AOX1: variants seen among roughly 807,000 people sequenced by gnomAD.
AOX1 encodes aldehyde oxidase.
In AOX1, 153 loss-of-function variants were observed where a neutral mutation model predicts 169.5. That is an observed-to-expected ratio of 0.90 (90% CI 0.79 to 1.03). The LOEUF (loss-of-function observed/expected upper bound fraction) is 1.03. Among genes scored for constraint, AOX1 ranks in the 50% least tolerant of loss-of-function variants. The pLI is 0.00. For missense variants in AOX1, 1,656 were observed against 1,663.9 expected (o/e 1.00, Z 0.08); for synonymous variants, 562 against 581.9 (o/e 0.97, Z 0.49).
chr2:200,663,340 G>A (rs1276790874), intron 31 of AOX1, among the ~76,000 whole-genome samples: 1 of 152,148 alleles, frequency 6.6e-6, no homozygotes, highest in Non-Finnish European at 1.5e-5. Context: ...ATAGACATCT[G>A]TAATCTGCTA....
intron 27 of AOX1, 70 bp downstream of exon 27, chr2:200,657,007 A>C (rs2035701668): frequency 6.5e-6 from 7 of 1,081,080 alleles, no homozygotes; most frequent in Non-Finnish European, 9.0e-6. Flanking sequence ...AAAAACTATG[A>C]ATGGATATTT....
intron 12 of AOX1, among the ~76,000 whole-genome samples, 166 bp from the exon 13 acceptor site, chr2:200,611,218 A>C (rs2034631963): frequency 6.6e-6 from 1 of 152,224 alleles, no homozygotes; most frequent in African/African-American, 2.4e-5. Context: ...TAGAAGAAAC[A>C]TTGCAAGACG....
chr2:200,680,794 C>T (rs2036145999), downstream of AOX1, among the ~76,000 whole-genome samples: 1 of 150,898 alleles, frequency 6.6e-6, no homozygotes, highest in Non-Finnish European at 1.5e-5. Context: ...GATCCAACTG[C>T]CTCAGCCTCC....
Position 200,595,358 on chromosome 2 carries a change from A to C in AOX1, c.190A>C (p.Lys64Gln). Residue 64 changes from lysine (K) to glutamine (Q), a missense_variant, in exon 3 of 35, where the codon AAG (lysine) becomes CAG (glutamine). Transcript: ENST00000374700. ...GATATCACGATACAACCCCATCACCAAGAGGATAAGGTACCGTGCAGCAAA... is the reference window on the plus strand; with the variant it reads ...GATATCACGATACAACCCCATCACCCAGAGGATAAGGTACCGTGCAGCAAA... The part of the protein sequence containing the change: ...VMISRYNPIT[K>Q]RIRHHPANAC... 1 of 1,612,290 alleles carries C rather than the reference A, an allele frequency of 6.2e-7. No homozygotes were observed. The highest frequency in any genetic ancestry group is 8.5e-7 in the Non-Finnish European group (1 of 1,178,802).
chr2:200,615,727 G>A (rs2034741473), intron 15 of AOX1, among the ~76,000 whole-genome samples: 1 of 152,220 alleles, frequency 6.6e-6, no homozygotes, highest in East Asian at 1.9e-4. Flanking sequence ...GCTGGTGGAA[G>A]CCAGTTACCT....
chr2:200,613,603 T>G (rs1271218381), intron 14 of AOX1, among the ~76,000 whole-genome samples: 1 of 152,128 alleles, frequency 6.6e-6, no homozygotes, highest in Non-Finnish European at 1.5e-5. Context: ...GTTCTAATAT[T>G]CCCCTTTTAC....
chr2:200,633,733 G>A (rs1473408760), intron 20 of AOX1, among the ~76,000 whole-genome samples: 1 of 151,982 alleles, frequency 6.6e-6, no homozygotes, highest in Admixed American at 6.6e-5. Context: ...TTGAAGTTGG[G>A]ATTTTCTTGG....
At chr2:200,657,372 A>G (rs915756116) in intron 27 of AOX1, among the ~76,000 whole-genome samples, 7 of 151,420 alleles carry the variant, frequency 4.6e-5, no homozygotes, top group Non-Finnish European at 1.0e-4. Flanking sequence ...AAAAATAAAT[A>G]AAAAACAAAG....
intron 25 of AOX1, among the ~76,000 whole-genome samples, chr2:200,645,394 C>G (rs2035431573): frequency 6.6e-6 from 1 of 152,080 alleles, no homozygotes; most frequent in Non-Finnish European, 1.5e-5. Context: ...TGTGTTAAAC[C>G]ATCCCTGTAT....
At chr2:200,679,650 A>G (rs547441991), downstream of AOX1, among the ~76,000 whole-genome samples, 28 of 150,650 alleles carry the variant, frequency 1.9e-4, no homozygotes, top group African/African-American at 6.6e-4. Flanking sequence ...GCGATGAGGT[A>G]GTGACGCCCC....
At chr2:200,643,982 G>A (rs2035404949) in intron 25 of AOX1, among the ~76,000 whole-genome samples, 1 of 148,370 alleles carries the variant, frequency 6.7e-6, no homozygotes, top group Admixed American at 6.7e-5. Flanking sequence ...TGTATAGATT[G>A]TGAGGATTTT....
Position 200,676,614 on chromosome 2 carries a change from A to AAAG in AOX1, c.487-241_487-239dup, listed in dbSNP as rs1231282657. ...GACTACATCTCAAAAAAAAAAAAAA[A>AAAG]AAGAAGAAGAAGAAGAAGAAGAAGA... On this transcript the variant is annotated intron_variant, in intron 4 of 4. Coordinates refer to the AOX1 transcript ENST00000439380. 4.1e-3 allele frequency among the ~76,000 whole-genome samples: 608 copies of AAAG among 148,514 alleles called. 9 individuals are homozygous for AAAG. Among genetic ancestry groups the AAAG allele is most frequent in the African/African-American group, 0.011 (437 of 39,746 alleles).
downstream of AOX1, among the ~76,000 whole-genome samples, chr2:200,673,791 C>G (rs1029767396): frequency 6.6e-6 from 1 of 152,212 alleles, no homozygotes; most frequent in Non-Finnish European, 1.5e-5. Flanking sequence ...CCCAGCCTGT[C>G]TCTCCAGCGT....
chr2:200,606,890 G>A (rs550977987), intron 10 of AOX1, among the ~76,000 whole-genome samples: 188 of 152,254 alleles, frequency 1.2e-3, no homozygotes, highest in African/African-American at 4.3e-3. Flanking sequence ...GGGCTGAGAC[G>A]ATGGGGTTTT....
At position 200,586,486 on chromosome 2, in the gene AOX1, G is replaced by A. The variant is rs573314175; in HGVS notation, c.45+333G>A. On this transcript the variant is annotated intron_variant, in intron 1 of 34. Transcript: ENST00000374700. ...AAGTATTCTTGCCCATCAGGGGTCA[G>A]CACTCCCAGATCTTCGTTCCCTCAA... 2.0e-5 allele frequency among the ~76,000 whole-genome samples: 3 copies of A among 152,302 alleles called. No homozygotes were observed. In the East Asian group the frequency reaches 5.8e-4, roughly 29 times the overall value.
chr2:200,653,335 C>T (rs1000969110), intron 26 of AOX1, among the ~76,000 whole-genome samples: 25 of 152,214 alleles, frequency 1.6e-4, no homozygotes, highest in African/African-American at 6.0e-4. Flanking sequence ...AGGGCACATG[C>T]TAAAAGCCTC....
At chr2:200,604,971 A>G (rs1028765666) in intron 9 of AOX1, 131 bp downstream of exon 9, 2 of 804,818 alleles carry the variant, frequency 2.5e-6, no homozygotes, top group African/African-American at 3.5e-5. Flanking sequence ...ATTTTTAATC[A>G]TTTGAGCTAG....
chr2:200,593,248 T>C, intron 2 of AOX1, 45 bp downstream of exon 2: 1 of 1,426,856 alleles, frequency 7.0e-7, no homozygotes, highest in Non-Finnish European at 9.9e-7. Flanking sequence ...TGTGTATTTG[T>C]ATAACTCCAA....
chr2:200,680,332 A>G (rs2036141292), downstream of AOX1, among the ~76,000 whole-genome samples: 1 of 152,232 alleles, frequency 6.6e-6, no homozygotes, highest in African/African-American at 2.4e-5. Flanking sequence ...CAAGTTATAA[A>G]CCTTTGGATA....
Sources: gnomAD v4.1 joint callset for allele counts (sites outside exome capture counted in the v4.1 genomes callset) on GRCh38, gnomAD v4.1.1 for gene constraint, MANE v1.5 for transcripts, NCBI Gene and HGNC (gene_info 2026-07-23, HGNC 2026-07-21) for gene names.